ASAP2: variants seen among roughly 807,000 people sequenced by gnomAD.
ASAP2 encodes arf-GAP with SH3 domain, ANK repeat and PH domain-containing protein 2.
A neutral mutation model predicts 131.4 loss-of-function variants in ASAP2; 45 were observed. The observed-to-expected ratio is 0.34, with a 90% confidence interval of 0.27 to 0.44. The LOEUF (loss-of-function observed/expected upper bound fraction) is 0.44. Ranked by LOEUF, ASAP2 falls within the 20% of genes least tolerant of loss-of-function variation. The probability of loss-of-function intolerance (pLI) is 1.00; values close to 1 mark genes in which losing one functional copy is unlikely to be tolerated. For synonymous variants in ASAP2, 510 were observed against 503.0 expected (o/e 1.01, Z -0.19); for missense variants, 1,011 against 1,297.0 (o/e 0.78, Z 3.39).
chr2:9,292,663 G>T (rs182907428), intron 2 of ASAP2, among the ~76,000 whole-genome samples: 16 of 152,282 alleles, frequency 1.1e-4, no homozygotes, highest in Non-Finnish European at 7.3e-5. Context: ...TGTCCTTGGA[G>T]CCCCAGTTCA....
intron 21 of ASAP2, 110 bp from the exon 22 acceptor site, chr2:9,388,184 C>A: frequency 7.1e-7 from 1 of 1,406,682 alleles, no homozygotes; most frequent in Non-Finnish European, 9.7e-7. Flanking sequence ...CAAATGGTAC[C>A]AGGCCCAGCA....
intron 3 of ASAP2, among the ~76,000 whole-genome samples, chr2:9,298,832 G>A (rs962726148): frequency 6.6e-6 from 1 of 152,194 alleles, no homozygotes; most frequent in African/African-American, 2.4e-5. Context: ...GCTTCCTGGT[G>A]CCTCACACTT....
intron 16 of ASAP2, among the ~76,000 whole-genome samples, chr2:9,368,739 G>A (rs1673682748): frequency 6.6e-6 from 1 of 152,114 alleles, no homozygotes; most frequent in African/African-American, 2.4e-5. Flanking sequence ...CGCAGATGCT[G>A]TGCGTGTGTG....
At chr2:9,248,353 C>A (rs1664478367) in intron 1 of ASAP2, among the ~76,000 whole-genome samples, 1 of 151,956 alleles carries the variant, frequency 6.6e-6, no homozygotes. Context: ...TTTTAGAAAA[C>A]CCTTTGGTAT....
chr2:9,289,193 T>A (rs1667645462), intron 2 of ASAP2, among the ~76,000 whole-genome samples: 1 of 152,228 alleles, frequency 6.6e-6, no homozygotes, highest in Non-Finnish European at 1.5e-5. Flanking sequence ...ATGAAGTTCC[T>A]CATCTCTGGC....
intron 5 of ASAP2, among the ~76,000 whole-genome samples, chr2:9,322,024 G>C (rs1279114250): frequency 6.6e-6 from 1 of 152,202 alleles, no homozygotes; most frequent in Non-Finnish European, 1.5e-5. Flanking sequence ...GAAATGACCA[G>C]TGTCTGGACG....
intron 1 of ASAP2, among the ~76,000 whole-genome samples, chr2:9,265,885 G>A (rs962280468): frequency 2.6e-5 from 4 of 152,156 alleles, no homozygotes; most frequent in Non-Finnish European, 4.4e-5. Flanking sequence ...TGATTCTCCT[G>A]CCTCAGCCTC....
rs565146688 is a variant in ASAP2 at position 9,390,888 on chromosome 2, A to G, written c.2384-174A>G. On this transcript the variant is annotated intron_variant, in intron 22 of 27. Coordinates refer to ENST00000281419, the MANE Select transcript of ASAP2 (RefSeq NM_003887.3). ...TTCGGTTTCGCGAGTATCAGTGTCT[A>G]TCTTCCACATGCCGGAGACAGGAGT... 6.6e-5 allele frequency among the ~76,000 whole-genome samples: 10 copies of G among 152,360 alleles called. No homozygotes were observed. The South Asian group carries it at 1.0e-3, about 16-fold the overall frequency.
chr2:9,399,500 TAC>T, intron 24 of ASAP2: 1 of 156,100 alleles, frequency 6.4e-6, no homozygotes, highest in Non-Finnish European at 1.4e-5. Context: ...CATGTGTTTC[TAC>T]CTTGTGGCTT....
chr2:9,211,780 C>CT (rs1661579420), intron 1 of ASAP2, among the ~76,000 whole-genome samples: 2 of 152,156 alleles, frequency 1.3e-5, no homozygotes, highest in African/African-American at 2.4e-5. Context: ...GGGCTACGTG[C>CT]TTTTTGGCAA....
chr2:9,340,427 A>G (rs973982651), intron 9 of ASAP2, among the ~76,000 whole-genome samples: 2 of 152,212 alleles, frequency 1.3e-5, no homozygotes, highest in Admixed American at 6.5e-5. Context: ...TTCCATGTCA[A>G]ACTGGTTCTC....
rs969925655 is a variant in ASAP2, at chr2:9,311,134, A to G, written c.346-7390A>G. Among the ~76,000 whole-genome samples the G allele has an allele frequency of 2.0e-5, 3 of 151,976 alleles. No homozygotes were observed. Among genetic ancestry groups the G allele is most frequent in the African/African-American group, 7.3e-5 (3 of 41,368 alleles). On this transcript the variant is annotated intron_variant, in intron 3 of 27. Transcript: ENST00000281419. This position sits in a 1 kb window ranked among gnomAD's most constrained non-coding sequence, Gnocchi z 5.2. ...GGGCTGGGTGTGGTGGCTCATGCCT[A>G]TAGTCCCAGCACTTTGGGAGGCTGA... is the stretch of plus-strand genomic sequence containing the variant.
chr2:9,326,743 T>C (rs1670505159), intron 6 of ASAP2, among the ~76,000 whole-genome samples: 1 of 152,220 alleles, frequency 6.6e-6, no homozygotes, highest in African/African-American at 2.4e-5. Context: ...TTTTGGGTTT[T>C]ATTGGCTTAG....
At chr2:9,371,336 A>G (rs1673940707) in intron 16 of ASAP2, among the ~76,000 whole-genome samples, 1 of 152,190 alleles carries the variant, frequency 6.6e-6, no homozygotes, top group Non-Finnish European at 1.5e-5. Context: ...TAGTATACTC[A>G]GGCATTTACA....
intron 5 of ASAP2, among the ~76,000 whole-genome samples, chr2:9,321,000 G>A (rs1223295808): frequency 6.6e-6 from 1 of 152,136 alleles, no homozygotes; most frequent in Non-Finnish European, 1.5e-5. Context: ...TCGAGCTACA[G>A]GGAATTGATC....
chr2:9,258,986 C>T (rs1028427773), intron 1 of ASAP2, among the ~76,000 whole-genome samples: 29 of 152,252 alleles, frequency 1.9e-4, no homozygotes, highest in African/African-American at 6.0e-4. Context: ...GGGGCCAGAC[C>T]AGGACCCTGG....
chr2:9,380,489 C>T (rs1466750810), intron 19 of ASAP2, among the ~76,000 whole-genome samples: 7 of 152,158 alleles, frequency 4.6e-5, no homozygotes, highest in African/African-American at 1.2e-4. Context: ...TGAGCCACTG[C>T]GCCTGGCCAG....
chr2:9,275,493 T>C (rs1443894199), intron 1 of ASAP2, among the ~76,000 whole-genome samples: 1 of 152,206 alleles, frequency 6.6e-6, no homozygotes. Flanking sequence ...AGCACAGATC[T>C]CCCTGGCTGG....
At chr2:9,387,067 T>A (rs1466406451) in intron 21 of ASAP2, among the ~76,000 whole-genome samples, 7 of 124,964 alleles carry the variant, frequency 5.6e-5, no homozygotes, top group Non-Finnish European at 9.4e-5. Flanking sequence ...TTAGCCGGGC[T>A]TGGTGGTGGG....
Sources: gnomAD v4.1 joint callset for allele counts (sites outside exome capture counted in the v4.1 genomes callset) on GRCh38, gnomAD v4.1.1 for gene constraint, Gnocchi (gnomAD v3.1) non-coding constraint, MANE v1.5 for transcripts, NCBI Gene and HGNC (gene_info 2026-07-23, HGNC 2026-07-21) for gene names.